Variants in NVL observed in about 807,000 individuals in gnomAD.
The protein encoded by NVL is nuclear VCP like.
Under a neutral mutation model 110.2 loss-of-function variants are expected in NVL, and 84 were observed. The ratio of observed to expected loss-of-function variants is 0.76; its 90% CI spans 0.64 to 0.91. The LOEUF (loss-of-function observed/expected upper bound fraction) is 0.91, where lower values mean the gene tolerates loss of function less well. NVL is among the 40% of genes least tolerant of loss of function. NVL has a pLI of 0.00. For missense variants in NVL, 882 were observed against 1,035.9 expected (o/e 0.85, Z 2.04); for synonymous variants, 354 against 361.1 (o/e 0.98, Z 0.22).
chr1:224,262,280 T>C (rs573772870), intron 18 of NVL, among the ~76,000 whole-genome samples: 2 of 152,042 alleles, frequency 1.3e-5, no homozygotes, highest in Admixed American at 6.6e-5. Context: ...TGAAGAAAAA[T>C]AATTTTAAAC....
chr1:224,294,455 C>G (rs755296228), intron 11 of NVL, 44 bp from the exon 12 acceptor site: 1 of 1,594,428 alleles, frequency 6.3e-7, no homozygotes, highest in South Asian at 1.1e-5. Flanking sequence ...GCACTTGACA[C>G]TGACGGCAAT....
chr1:224,237,373 A>G (rs1282107411), intron 19 of NVL, among the ~76,000 whole-genome samples: 2 of 152,162 alleles, frequency 1.3e-5, no homozygotes, highest in Non-Finnish European at 2.9e-5. Context: ...CTAACACTCA[A>G]TCTTGATTTT....
intron 16 of NVL, among the ~76,000 whole-genome samples, chr1:224,279,098 GA>G (rs201413420): frequency 6.6e-6 from 1 of 151,702 alleles, no homozygotes; most frequent in Non-Finnish European, 1.5e-5. Flanking sequence ...ACCCTAAGGG[GA>G]AAAAAATCTC....
In NVL at chr1:224,300,544, A is replaced by G. The variant is rs1318717496; in HGVS notation, c.1062+18T>C. 8.2e-6 allele frequency: 13 copies of G among 1,579,912 alleles called. No homozygotes were observed. The highest frequency in any genetic ancestry group is 1.0e-5 in the Non-Finnish European group (12 of 1,151,328). On this transcript the variant is annotated intron_variant, in intron 10 of 22. Coordinates refer to ENST00000281701, the MANE Select transcript of NVL (RefSeq NM_002533.4). ...TGGTAGCGTCTGACCACCTGGCATT[A>G]GTCATTAACTGACTCACCACAGCTT...
At chr1:224,238,300 T>C (rs984857387) in intron 19 of NVL, among the ~76,000 whole-genome samples, 6 of 152,186 alleles carry the variant, frequency 3.9e-5, no homozygotes, top group Admixed American at 1.3e-4. Context: ...CCCGAAGTGC[T>C]GAGATTACAG....
chr1:224,307,712 A>G (rs561607770), intron 6 of NVL, among the ~76,000 whole-genome samples: 1 of 150,558 alleles, frequency 6.6e-6, no homozygotes, highest in African/African-American at 2.5e-5. Context: ...AAAAAAAAAA[A>G]AAAAAAAAAG....
chr1:224,299,465 A>C (rs1219286688), intron 10 of NVL, among the ~76,000 whole-genome samples: 1 of 152,214 alleles, frequency 6.6e-6, no homozygotes, highest in Non-Finnish European at 1.5e-5. Flanking sequence ...GGACCAGGAA[A>C]AGCGGGGTGC....
chr1:224,327,882 G>A (rs1407204696), intron 1 of NVL, among the ~76,000 whole-genome samples: 1 of 151,720 alleles, frequency 6.6e-6, no homozygotes, highest in Non-Finnish European at 1.5e-5. Context: ...CAGAGTGACT[G>A]AACAACGAGA....
intron 17 of NVL, among the ~76,000 whole-genome samples, chr1:224,273,494 C>T (rs1214509990): frequency 6.6e-6 from 1 of 151,866 alleles, no homozygotes; most frequent in African/African-American, 2.4e-5. Flanking sequence ...AGCAGCCATT[C>T]TTTATTCCTT....
At chr1:224,299,526 T>C (rs1003818543) in intron 10 of NVL, among the ~76,000 whole-genome samples, 11 of 152,182 alleles carry the variant, frequency 7.2e-5, no homozygotes, top group Admixed American at 3.9e-4. Flanking sequence ...ACTGGCTCAG[T>C]ACTGGTTTAG....
chr1:224,306,763 G>T (rs1032019768), intron 6 of NVL, among the ~76,000 whole-genome samples: 2 of 152,094 alleles, frequency 1.3e-5, no homozygotes, highest in African/African-American at 4.8e-5. Context: ...TGCCCAGGGG[G>T]TGGAGGTTAT....
chr1:224,280,169 G>GTTTTTTTTTTTTTTTTTTTTT (rs1225902326), intron 16 of NVL, among the ~76,000 whole-genome samples: 1 of 130,980 alleles, frequency 7.6e-6, no homozygotes, highest in African/African-American at 3.1e-5. Flanking sequence ...GTGTACTGCT[G>GTTTTTTTTTTTTTTTTTTTTT]TTTTTTTTTG....
intron 20 of NVL, among the ~76,000 whole-genome samples, chr1:224,233,760 A>G (rs545205818): frequency 1.3e-5 from 2 of 152,328 alleles, no homozygotes; most frequent in South Asian, 4.1e-4. Flanking sequence ...CTCTGTCCCA[A>G]TTAAAAAACA....
chr1:224,275,924 A>C (rs1665713959), intron 16 of NVL, among the ~76,000 whole-genome samples: 1 of 152,226 alleles, frequency 6.6e-6, no homozygotes, highest in Non-Finnish European at 1.5e-5. Flanking sequence ...CTATTTTGTC[A>C]TACAGCATCA....
chr1:224,251,976 TC>T (rs1558256595), intron 18 of NVL, among the ~76,000 whole-genome samples: 1 of 152,138 alleles, frequency 6.6e-6, no homozygotes, highest in Non-Finnish European at 1.5e-5. Flanking sequence ...CAAATTCCGC[TC>T]CCACTGCAGA....
chr1:224,324,575 C>T (rs904488224), intron 2 of NVL, among the ~76,000 whole-genome samples: 2 of 152,160 alleles, frequency 1.3e-5, no homozygotes, highest in African/African-American at 4.8e-5. Context: ...ACTACAGGTT[C>T]AGGCCACCAT....
intron 16 of NVL, among the ~76,000 whole-genome samples, chr1:224,278,003 A>G (rs774060975): frequency 6.6e-6 from 1 of 152,112 alleles, no homozygotes; most frequent in African/African-American, 2.4e-5. Flanking sequence ...CCCTTAATGT[A>G]ACTGTTCTTT....
intron 18 of NVL, among the ~76,000 whole-genome samples, chr1:224,262,020 C>T (rs1006082735): frequency 6.6e-6 from 1 of 151,858 alleles, no homozygotes; most frequent in Non-Finnish European, 1.5e-5. Flanking sequence ...TTCAGAATAA[C>T]CAAAGGTGGA....
intron 5 of NVL, among the ~76,000 whole-genome samples, chr1:224,310,161 A>C (rs542406595): frequency 6.7e-6 from 1 of 149,324 alleles, no homozygotes; most frequent in South Asian, 2.2e-4. Context: ...CCTGGGCGAC[A>C]GAGTGAGACT....
Sources: allele counts gnomAD v4.1 joint callset (sites outside exome capture counted in the v4.1 genomes callset), GRCh38; gene constraint gnomAD v4.1.1; transcripts MANE v1.5; gene names NCBI Gene and HGNC (gene_info 2026-07-23, HGNC 2026-07-21).